The following CENPP variants were observed in gnomAD, a reference collection of about 807,000 sequenced individuals.
CENPP encodes centromere protein P.
A neutral mutation model predicts 35.6 loss-of-function variants in CENPP; 24 were observed. That is an observed-to-expected ratio of 0.67 (90% confidence interval 0.49 to 0.95). The LOEUF (loss-of-function observed/expected upper bound fraction) is 0.95. CENPP is among the 40% of genes least tolerant of loss of function. The probability of loss-of-function intolerance (pLI) is 0.00; values close to 1 mark genes in which losing one functional copy is unlikely to be tolerated. For synonymous variants in CENPP, 120 were observed against 125.5 expected, an observed-to-expected ratio of 0.96 and a Z score of 0.29; for missense variants, 332 against 345.3, an observed-to-expected ratio of 0.96 and a Z score of 0.31.
At chr9:92,385,619 G>T (rs770761370) in intron 5 of CENPP, 1 of 1,612,914 alleles carries the variant, frequency 6.2e-7, no homozygotes, top group Non-Finnish European at 8.5e-7. Context: ...ACCAATAGAG[G>T]TTAAAAGTAT....
At chr9:92,401,757 T>A (rs539352304) in intron 5 of CENPP, among the ~76,000 whole-genome samples, 4 of 152,284 alleles carry the variant, frequency 2.6e-5, no homozygotes, top group Non-Finnish European at 5.9e-5. Context: ...GCCACTGGGG[T>A]AGGCCATTAA....
intron 5 of CENPP, among the ~76,000 whole-genome samples, chr9:92,531,490 A>G (rs148880249): frequency 6.6e-6 from 1 of 152,292 alleles, no homozygotes; most frequent in East Asian, 1.9e-4. Flanking sequence ...GTTTATTTAG[A>G]TCAGATTTTT....
Position 92,593,473 on chromosome 9 carries a change from C to A in CENPP, c.565-17841C>A, listed in dbSNP as rs1850709622. ...AGCAAAGGATTTTCTTTCCTTCTGC[C>A]CTCATTTCCCCTAATTCAAGAGCTA... On this transcript the variant is annotated intron_variant, in intron 5 of 7. Transcript: ENST00000375587. The surrounding 1 kb of genome is among the most constrained non-coding windows in gnomAD (Gnocchi z 4.1). 6.6e-6 allele frequency among the ~76,000 whole-genome samples: 1 copy of A among 152,190 alleles called. No homozygotes were observed. The highest frequency in any genetic ancestry group is 2.1e-4 in the South Asian group (1 of 4,824).
intron 5 of CENPP, chr9:92,522,588 A>G (rs1365916525): frequency 6.2e-7 from 1 of 1,612,146 alleles, no homozygotes; most frequent in Middle Eastern, 1.7e-4. Flanking sequence ...GTAACACATT[A>G]TAACTTGATT....
intron 5 of CENPP, among the ~76,000 whole-genome samples, chr9:92,470,510 A>G (rs1040965642): frequency 2.6e-5 from 4 of 152,246 alleles, no homozygotes; most frequent in Admixed American, 6.5e-5. Context: ...AATGAAATCT[A>G]TAATTTTTAA....
At chr9:92,443,905 C>T (rs1471925727) in intron 5 of CENPP, among the ~76,000 whole-genome samples, 1 of 152,108 alleles carries the variant, frequency 6.6e-6, no homozygotes, top group Non-Finnish European at 1.5e-5. Flanking sequence ...TCAGGCAGTC[C>T]ACCCACTTCG....
intron 1 of CENPP, among the ~76,000 whole-genome samples, chr9:92,331,381 T>C (rs1479452927): frequency 6.6e-6 from 1 of 152,024 alleles, no homozygotes; most frequent in African/African-American, 2.4e-5. Context: ...GGGGTTTCAC[T>C]GTGTTAGCCA....
intron 5 of CENPP, among the ~76,000 whole-genome samples, chr9:92,603,623 T>C (rs189332088): frequency 1.3e-5 from 2 of 152,110 alleles, no homozygotes; most frequent in African/African-American, 2.4e-5. Flanking sequence ...CACTCAGCTC[T>C]GATCACCCCC....
intron 5 of CENPP, among the ~76,000 whole-genome samples, chr9:92,416,074 ATT>A (rs869115945): frequency 8.6e-4 from 117 of 135,976 alleles, no homozygotes; most frequent in East Asian, 8.4e-3. Context: ...ATATATATTT[ATT>A]TATTTATTTA....
intron 1 of CENPP, among the ~76,000 whole-genome samples, chr9:92,331,120 G>A (rs148008025): frequency 4.3e-4 from 66 of 152,282 alleles, no homozygotes; most frequent in African/African-American, 1.5e-3. Context: ...ACTATAAAAC[G>A]TTCTGTGGTG....
At chr9:92,600,375 T>C in intron 5 of CENPP, 1 of 1,579,534 alleles carries the variant, frequency 6.3e-7, no homozygotes, top group Non-Finnish European at 8.6e-7. Context: ...CATTGGGATA[T>C]ATTTCCAGTA....
intron 5 of CENPP, among the ~76,000 whole-genome samples, chr9:92,524,006 AC>A (rs1233595732): frequency 1.3e-5 from 2 of 152,210 alleles, no homozygotes; most frequent in African/African-American, 4.8e-5. Flanking sequence ...GAAACTCATT[AC>A]CAGTAAAGGT....
chr9:92,565,293 TAAAAAAA>T (rs3078380), intron 5 of CENPP, among the ~76,000 whole-genome samples: 49 of 33,162 alleles, frequency 1.5e-3, no homozygotes, highest in East Asian at 8.7e-3. Context: ...GCTGATGAGC[TAAAAAAA>T]AAAAAAAAAA....
intron 4 of CENPP, among the ~76,000 whole-genome samples, chr9:92,355,959 C>A (rs1320466879): frequency 1.3e-5 from 2 of 152,144 alleles, no homozygotes; most frequent in Non-Finnish European, 2.9e-5. Context: ...TATGCATATG[C>A]AAAAACTCTA....
intron 5 of CENPP, among the ~76,000 whole-genome samples, chr9:92,550,529 C>T (rs1403690656): frequency 6.6e-6 from 1 of 151,738 alleles, no homozygotes; most frequent in Admixed American, 6.6e-5. Context: ...ATTGATATAA[C>T]AAGTTTTCTT....
At chr9:92,550,061 C>T (rs1157021982) in intron 5 of CENPP, among the ~76,000 whole-genome samples, 2 of 152,146 alleles carry the variant, frequency 1.3e-5, no homozygotes, top group South Asian at 2.1e-4. Context: ...TGATGGATTC[C>T]CCTGCATTCA....
At chr9:92,373,954 T>C (rs1226223345) in intron 4 of CENPP, among the ~76,000 whole-genome samples, 1 of 152,114 alleles carries the variant, frequency 6.6e-6, no homozygotes, top group African/African-American at 2.4e-5. Flanking sequence ...CATGTACCTG[T>C]TCCCTTATGT....
intron 5 of CENPP, among the ~76,000 whole-genome samples, chr9:92,412,270 A>C (rs1408624732): frequency 6.6e-6 from 1 of 151,882 alleles, no homozygotes; most frequent in East Asian, 1.9e-4. Context: ...ATTTTTTTGT[A>C]GAGACAGGGT....
chr9:92,350,938 A>C (rs1372462802), intron 4 of CENPP, among the ~76,000 whole-genome samples: 1 of 152,184 alleles, frequency 6.6e-6, no homozygotes, highest in Non-Finnish European at 1.5e-5. Flanking sequence ...TTAGACTAGC[A>C]CAGAGAACAT....
Sources: allele counts gnomAD v4.1 joint callset (sites outside exome capture counted in the v4.1 genomes callset), GRCh38; gene constraint gnomAD v4.1.1; non-coding constraint Gnocchi (gnomAD v3.1); transcripts MANE v1.5; gene names NCBI Gene and HGNC (gene_info 2026-07-23, HGNC 2026-07-21).